Variants in MARF1 observed in about 807,000 individuals in gnomAD.
MARF1 encodes limkain-b1.
MARF1 carries 24 observed loss-of-function variants against 168.2 expected under a neutral mutation model. That is an observed-to-expected ratio of 0.14 (90% CI 0.10 to 0.20). The LOEUF is 0.20. Among genes scored for constraint, MARF1 ranks in the 10% least tolerant of loss-of-function variants. The probability of loss-of-function intolerance (pLI) is 1.00; values close to 1 mark genes in which losing one functional copy is unlikely to be tolerated. For missense variants in MARF1, 1,744 were observed against 2,143.6 expected (o/e 0.81, Z 3.68); for synonymous variants, 868 against 822.4 (o/e 1.06, Z -0.95).
intron 7 of MARF1, among the ~76,000 whole-genome samples, chr16:15,628,246 C>T (rs2035008319): frequency 1.3e-5 from 2 of 152,104 alleles, no homozygotes; most frequent in South Asian, 2.1e-4. Flanking sequence ...ATATGTGACA[C>T]ATTTTTTTTT....
intron 22 of MARF1, chr16:15,602,542 G>A (rs574614808): frequency 1.1e-4 from 54 of 482,626 alleles, no homozygotes; most frequent in African/African-American, 1.0e-3. Context: ...TAAAGAAGAC[G>A]AAGACGACGA....
intron 10 of MARF1, among the ~76,000 whole-genome samples, chr16:15,623,767 A>G (rs1370275035): frequency 6.6e-6 from 1 of 152,198 alleles, no homozygotes; most frequent in Admixed American, 6.5e-5. Flanking sequence ...TCAGCCTGTG[A>G]TACCAATTTA....
Position 15,600,691 on chromosome 16 carries a change from A to G in MARF1, c.4637T>C (p.Ile1546Thr). Residue 1546 changes from isoleucine (I) to threonine (T), a missense_variant, in exon 24 of 27, where the codon ATA becomes ACA. This residue lies in a region of MARF1 where 313 missense variants were observed against 337.4 expected (regional missense o/e 0.93). Coordinates refer to ENST00000396368, the MANE Select transcript of MARF1 (RefSeq NM_014647.4). ...AATTCTCTTATGACCATGTCCTTTT[A>G]TCCAGACCACCTGCACACAAGACAT... The part of the protein sequence containing the change: ...LLGAIPQVVW[I>T]KGHGHKRIVV... The G allele has an allele frequency of 6.2e-7, 1 of 1,613,754 alleles. No homozygotes were observed. Among genetic ancestry groups the G allele is most frequent in the Non-Finnish European group, 8.5e-7 (1 of 1,180,012 alleles).
At chr16:15,597,046 T>A in intron 26 of MARF1, 109 bp from the exon 27 acceptor site, 1 of 1,240,664 alleles carries the variant, frequency 8.1e-7, no homozygotes, top group Non-Finnish European at 1.1e-6. Context: ...AATAAAAAGC[T>A]TCTAAATGCT....
intron 7 of MARF1, among the ~76,000 whole-genome samples, chr16:15,627,320 T>C (rs2034935358): frequency 6.7e-6 from 1 of 149,880 alleles, no homozygotes; most frequent in African/African-American, 2.5e-5. Flanking sequence ...AAACCTCGTC[T>C]ACAAAAAACT....
rs1196199543 is a variant in MARF1, at chr16:15,625,182, A to G, written c.1954-9T>C. ...TCCATGCGGCACAGCTCCTTCAAAG[A>G]CACAAGCACAGTGGGGTTTAAATTT... On this transcript the variant is annotated splice_polypyrimidine_tract_variant and intron_variant, in intron 8 of 26. Coordinates refer to ENST00000396368, the MANE Select transcript of MARF1 (RefSeq NM_014647.4). The G allele has an allele frequency of 6.2e-7, 1 of 1,612,902 alleles. No individual in the cohort carries two copies. Among genetic ancestry groups the G allele is most frequent in the South Asian group, 1.1e-5 (1 of 91,032 alleles).
At chr16:15,598,436 C>G (rs959973210) in intron 26 of MARF1, among the ~76,000 whole-genome samples, 2 of 152,186 alleles carry the variant, frequency 1.3e-5, no homozygotes, top group Non-Finnish European at 2.9e-5. Flanking sequence ...GCTCCAGCCA[C>G]AGACACCTCC....
chr16:15,597,233 C>A lies in MARF1; in HGVS notation c.4985-296G>T, dbSNP rs142155277. Among the ~76,000 whole-genome samples the A allele has an allele frequency of 4.5e-3, 679 of 152,314 alleles. 4 individuals carry two copies. The highest frequency in any genetic ancestry group is 0.016 in the African/African-American group (659 of 41,570). On this transcript the variant is annotated intron_variant, in intron 26 of 26. Transcript: ENST00000396368. ...ACTTTTTGTTTTTCCATTTTGGATT[C>A]TCTGCCCATTCATTCTGCCTGCCAG...
intron 5 of MARF1, among the ~76,000 whole-genome samples, 173 bp from the exon 6 acceptor site, chr16:15,631,671 C>T (rs889264496): frequency 6.6e-6 from 1 of 152,116 alleles, no homozygotes; most frequent in Non-Finnish European, 1.5e-5. Flanking sequence ...TGGTTTGCTG[C>T]ACCTATCAAC....
chr16:15,617,570 G>C (rs747506196), intron 13 of MARF1, 35 bp from the exon 14 acceptor site: 1 of 1,464,962 alleles, frequency 6.8e-7, no homozygotes, highest in African/African-American at 1.4e-5. Flanking sequence ...TGACTTAGAA[G>C]GTTTTTCTTT....
chr16:15,634,154 A>G (rs2035432040), intron 4 of MARF1, among the ~76,000 whole-genome samples: 1 of 152,170 alleles, frequency 6.6e-6, no homozygotes, highest in Non-Finnish European at 1.5e-5. Flanking sequence ...TCTGAACACA[A>G]GCACACTAAC....
intron 11 of MARF1, 90 bp downstream of exon 11, chr16:15,622,844 G>T: frequency 9.6e-7 from 1 of 1,043,928 alleles, no homozygotes; most frequent in Non-Finnish European, 1.4e-6. Context: ...CTTCTATCCC[G>T]GCTGTGGTTA....
chr16:15,620,428 A>C, intron 13 of MARF1, 23 bp downstream of exon 13: 1 of 1,531,694 alleles, frequency 6.5e-7, no homozygotes, highest in Middle Eastern at 1.7e-4. Context: ...TGACTGGATA[A>C]AGAAAAAATA....
intron 1 of MARF1, among the ~76,000 whole-genome samples, chr16:15,641,214 C>A (rs529933952): frequency 1.3e-5 from 2 of 152,280 alleles, no homozygotes; most frequent in East Asian, 3.9e-4. Context: ...TGTCTATTTT[C>A]ACCACTGTAT....
intron 2 of MARF1, among the ~76,000 whole-genome samples, chr16:15,638,492 A>G (rs2035741213): frequency 6.6e-6 from 1 of 152,130 alleles, no homozygotes; most frequent in African/African-American, 2.4e-5. Flanking sequence ...AGGCTGAGGC[A>G]GGAGAACTGC....
In MARF1 at chr16:15,635,998, G is replaced by A. The variant is rs1259981100; in HGVS notation, c.489C>T (p.Ala163=). ...TGCCTGCCAAATTGTTCCTAGCTGA[G>A]GCATTCTGGAGTGAAGATGCAGACT... ...AFQSASSLQN[A]SARNNLAGIA... is the part of the protein sequence containing the mutation. Residue 163 remains alanine, a synonymous_variant, in exon 3 of 27, where the codon GCC becomes GCT. Coordinates refer to ENST00000396368, the MANE Select transcript of MARF1 (RefSeq NM_014647.4). 1 of 1,614,048 alleles carries A rather than the reference G, an allele frequency of 6.2e-7. No individual in the cohort carries two copies. Among genetic ancestry groups the A allele is most frequent in the Admixed American group, 1.7e-5 (1 of 60,006 alleles).
intron 26 of MARF1, among the ~76,000 whole-genome samples, chr16:15,598,247 C>T (rs1055955876): frequency 2.0e-5 from 3 of 152,188 alleles, no homozygotes; most frequent in South Asian, 2.1e-4. Context: ...GCCTTAGTCA[C>T]GCAGCCTGTG....
Position 15,615,982 on chromosome 16 carries a change from T to C in MARF1, c.3101A>G (p.Glu1034Gly). Residue 1034 changes from glutamate (E) to glycine (G), a missense_variant, in exon 16 of 27, where the codon GAG (glutamate) becomes GGG (glycine). This residue lies in a region of MARF1 where 543 missense variants were observed against 742.1 expected (regional missense o/e 0.73). Transcript: ENST00000396368. Reference protein sequence around the residue: ...LLSFPDCYIAEFGDLEVVQEN... With the variant: ...LLSFPDCYIAGFGDLEVVQEN... ...TTGCACTACTTCTAGATCGCCAAAC[T>C]CTGCAATGTAACAATCTGGAAAGCT... 1 of 1,529,806 alleles carries C rather than the reference T, an allele frequency of 6.5e-7. No individual in the cohort carries two copies. Among genetic ancestry groups the C allele is most frequent in the South Asian group, 1.3e-5 (1 of 79,542 alleles). The allele number at this position is 1,529,806 out of a possible 1,614,324, so 94.8% of individuals were successfully genotyped here. A position where few individuals can be genotyped will look rare whatever the true frequency, so the allele number is the denominator to read the frequency against.
chr16:15,615,324 T>C (rs1053523424), intron 16 of MARF1, among the ~76,000 whole-genome samples: 1 of 152,040 alleles, frequency 6.6e-6, no homozygotes, highest in African/African-American at 2.4e-5. Flanking sequence ...AGCAAGGCCC[T>C]ATCTAAAAAA....
Sources: gnomAD v4.1 joint callset for allele counts (sites outside exome capture counted in the v4.1 genomes callset) on GRCh38, gnomAD v4.1.1 for gene constraint, gnomAD v4.1.1 regional missense constraint, MANE v1.5 for transcripts, NCBI Gene and HGNC (gene_info 2026-07-23, HGNC 2026-07-21) for gene names.